The following KIFC3 variants were observed in gnomAD, a reference collection of about 807,000 sequenced individuals.
The protein encoded by KIFC3 is kinesin-like protein KIFC3.
A neutral mutation model predicts 101.8 loss-of-function variants in KIFC3; 60 were observed. The observed-to-expected ratio is 0.59, with a 90% CI of 0.48 to 0.73. The LOEUF is 0.73. Ranked by LOEUF, KIFC3 falls within the 30% of genes least tolerant of loss-of-function variation. The pLI is 0.00. For missense variants in KIFC3, 966 were observed against 1,137.1 expected (o/e 0.85, Z 2.16); for synonymous variants, 476 against 482.7 (o/e 0.99, Z 0.18).
intron 1 of KIFC3, chr16:57,810,768 C>T (rs757879971): frequency 1.3e-6 from 1 of 787,138 alleles, no homozygotes; most frequent in Non-Finnish European, 1.5e-6. Context: ...CATTCAATCC[C>T]CGCAACAACA....
intron 1 of KIFC3, among the ~76,000 whole-genome samples, chr16:57,837,966 C>T (rs1364554219): frequency 6.6e-6 from 1 of 152,186 alleles, no homozygotes; most frequent in Non-Finnish European, 1.5e-5. Context: ...CCGCTAACTC[C>T]TGGTGGGCCA....
intron 1 of KIFC3, among the ~76,000 whole-genome samples, chr16:57,812,027 A>G (rs1555627887): frequency 6.7e-6 from 1 of 149,382 alleles, no homozygotes; most frequent in Non-Finnish European, 1.5e-5. Context: ...TAGGTGACAG[A>G]GCGAGACCCC....
At position 57,785,657 on chromosome 16, in the gene KIFC3, A is replaced by G; in HGVS notation, c.315+9342T>C. The G allele has an allele frequency of 7.2e-6, 9 of 1,245,594 alleles. No homozygotes were observed. In the South Asian group the frequency reaches 9.2e-5, roughly 13 times the overall value. The allele number at this position is 1,245,594 out of a possible 1,614,324, so 77.2% of individuals were successfully genotyped here. ...GCTCGAGCACCTCCTGCTGCCAAAG[A>G]GACGCCCACCTACGAGCAAAGTAGT... On this transcript the variant is annotated intron_variant, in intron 3 of 19. Coordinates refer to ENST00000445690, the MANE Select transcript of KIFC3 (RefSeq NM_001130100.2).
In KIFC3 at chr16:57,758,856, A is replaced by G; in HGVS notation, c.*78T>C. ...AGCAGGGACAGGCCAGTGAGGGCCC[A>G]GCTTCAGGCCCAGCGGGGTCACATC... On this transcript the variant is annotated 3_prime_UTR_variant, in exon 20 of 20. Transcript: ENST00000445690. 6.2e-7 allele frequency: 1 copy of G among 1,608,690 alleles called. No individual in the cohort carries two copies. Among genetic ancestry groups the G allele is most frequent in the Non-Finnish European group, 8.5e-7 (1 of 1,177,456 alleles).
Position 57,796,644 on chromosome 16 carries a change from G to A in KIFC3, c.172+1428C>T, listed in dbSNP as rs559249632. Among the ~76,000 whole-genome samples the A allele has an allele frequency of 2.0e-4, 31 of 152,286 alleles. No individual in the cohort carries two copies. The South Asian group carries it at 6.4e-3, about 32-fold the overall frequency. On this transcript the variant is annotated intron_variant, in intron 2 of 19. Coordinates refer to ENST00000445690, the MANE Select transcript of KIFC3 (RefSeq NM_001130100.2). ...CTGACCTTTGTCTTAAATTTTTTAA[G>A]TGGATAAAAGTCTGTATGGTCATAT...
intron 1 of KIFC3, among the ~76,000 whole-genome samples, chr16:57,823,871 C>T (rs1232261040): frequency 2.0e-5 from 3 of 151,946 alleles, no homozygotes; most frequent in Non-Finnish European, 4.4e-5. Context: ...TCATGATCTG[C>T]CCGCCTGGGC....
At chr16:57,827,741 C>T (rs782338663) in intron 1 of KIFC3, among the ~76,000 whole-genome samples, 15 of 152,196 alleles carry the variant, frequency 9.9e-5, no homozygotes, top group African/African-American at 1.4e-4. Flanking sequence ...ACGTGTCTCT[C>T]ACATTTTGGA....
At chr16:57,834,063 C>T (rs111232670) in intron 1 of KIFC3, among the ~76,000 whole-genome samples, 8,265 of 151,884 alleles carry the variant, frequency 0.054, 281 homozygotes, top group African/African-American at 0.092. Context: ...AGGGTTTCAC[C>T]GTGTTAGCCA....
At chr16:57,849,150 C>A (rs768928223) in intron 1 of KIFC3, among the ~76,000 whole-genome samples, 1 of 152,174 alleles carries the variant, frequency 6.6e-6, no homozygotes, top group African/African-American at 2.4e-5. Flanking sequence ...TGGCTCTACT[C>A]GTCTAAATTT....
At chr16:57,807,328 C>T (rs1450474534), upstream of KIFC3, among the ~76,000 whole-genome samples, 1 of 152,142 alleles carries the variant, frequency 6.6e-6, no homozygotes, top group East Asian at 1.9e-4. Context: ...TCACCAACTG[C>T]AGGTCTTGGG....
chr16:57,771,804 A>G (rs2051260422), intron 4 of KIFC3, 118 bp from the exon 5 acceptor site: 1 of 1,245,062 alleles, frequency 8.0e-7, no homozygotes, highest in Non-Finnish European at 1.1e-6. Context: ...GGAGAAAGGC[A>G]GAGGGAAGGA....
At position 57,852,805 on chromosome 16, in the gene KIFC3, C is replaced by T. The variant is rs377291248; in HGVS notation, c.108+9924G>A. On this transcript the variant is annotated intron_variant, in intron 1 of 2. Transcript: ENST00000563028. ...GGGGAGACTAAAGGAACCTATCTAG[C>T]GAAAAGATTCTATATTCCACTTAAA... Among the ~76,000 whole-genome samples the T allele has an allele frequency of 3.2e-4, 49 of 152,226 alleles. No individual in the cohort carries two copies. The East Asian group carries it at 6.6e-3, about 20-fold the overall frequency.
At chr16:57,840,747 C>T (rs1195025189) in intron 1 of KIFC3, among the ~76,000 whole-genome samples, 3 of 142,728 alleles carry the variant, frequency 2.1e-5, no homozygotes, top group South Asian at 2.2e-4. Context: ...GCAACAAGAG[C>T]GAAACTCTGT....
At chr16:57,813,804 G>C in intron 1 of KIFC3, 2 of 985,354 alleles carry the variant, frequency 2.0e-6, no homozygotes, top group Non-Finnish European at 2.4e-6. Context: ...GAGACTCAAG[G>C]CATCTCCAGA....
intron 3 of KIFC3, chr16:57,775,190 G>A (rs1376865329): frequency 3.8e-6 from 5 of 1,333,166 alleles, no homozygotes; most frequent in East Asian, 3.0e-5. Context: ...AAAGGAAGTG[G>A]CCGCAACCGC....
rs782550178 is a variant in KIFC3 at position 57,766,937 on chromosome 16, G to A, written c.1267C>T (p.Arg423Cys). 6.8e-6 allele frequency: 11 copies of A among 1,613,054 alleles called. No individual in the cohort carries two copies. The highest frequency in any genetic ancestry group is 2.2e-5 in the East Asian group (1 of 44,878). ...EVNSNNQELL[R>C]KYRRELQLRK... ...AGCTGCAGCTCGCGGCGGTACTTGC[G>A]CAGCAGCTCCTGGTTGTTGCTGTTG... The change falls in exon 10 of 20, where the codon CGC (arginine) becomes TGC (cysteine). Residue 423 changes from arginine (R) to cysteine (C), a missense_variant. Around this residue, in one of 2 missense-constraint regions of KIFC3, gnomAD observed 689 missense variants for 884.6 expected, o/e 0.78. Coordinates refer to ENST00000445690, the MANE Select transcript of KIFC3 (RefSeq NM_001130100.2).
At position 57,770,554 on chromosome 16, in the gene KIFC3, G is replaced by A; in HGVS notation, c.912C>T (p.His304=). 2 of 1,491,546 alleles carry A rather than the reference G, an allele frequency of 1.3e-6. No individual in the cohort carries two copies. Among genetic ancestry groups the A allele is most frequent in the Non-Finnish European group, 8.9e-7 (1 of 1,120,654 alleles). The allele number at this position is 1,491,546 out of a possible 1,614,324, so 92.4% of individuals were successfully genotyped here. A position where few individuals can be genotyped will look rare whatever the true frequency, so the allele number is the denominator to read the frequency against. ...GCGCCCGGAGCCGCGCGGTCAGCTG[G>A]TGTGAGCTCTGCAGCTGCTGTTCCA... ...KEMEQQLQSS[H]QLTARLRAQI... is the part of the protein sequence containing the mutation. The change falls in exon 7 of 20, where the codon CAC becomes CAT. Residue 304 remains histidine (H), a synonymous_variant. Coordinates refer to ENST00000445690, the MANE Select transcript of KIFC3 (RefSeq NM_001130100.2).
In KIFC3 at chr16:57,794,894, C is replaced by T. The variant is rs1451577624; in HGVS notation, c.315+105G>A. ...CAACAGAGAGGTGCGAGGTGGGTCC[C>T]CGGCTCTCCCCAGGTGCTTCCTACC... On this transcript the variant is annotated intron_variant, in intron 3 of 19. Coordinates refer to ENST00000445690, the MANE Select transcript of KIFC3 (RefSeq NM_001130100.2). 4.5e-6 allele frequency: 5 copies of T among 1,123,476 alleles called. No individual in the cohort carries two copies. In the Admixed American group the frequency reaches 1.8e-4, roughly 40 times the overall value. 69.6% of individuals were successfully genotyped at this position (1,123,476 alleles called of 1,614,324 possible).
At chr16:57,850,932 T>A (rs1244731274) in intron 1 of KIFC3, among the ~76,000 whole-genome samples, 1 of 148,940 alleles carries the variant, frequency 6.7e-6, no homozygotes, top group African/African-American at 2.5e-5. Context: ...GATTTCAACT[T>A]CTTTCCTTCC....
Sources: allele counts gnomAD v4.1 joint callset (sites outside exome capture counted in the v4.1 genomes callset), GRCh38; gene constraint gnomAD v4.1.1; regional missense constraint gnomAD v4.1.1; transcripts MANE v1.5; gene names NCBI Gene and HGNC (gene_info 2026-07-23, HGNC 2026-07-21).